Variants in TFAP2D observed in about 807,000 individuals in gnomAD.
TFAP2D encodes the protein transcription factor AP-2-delta.
Under a neutral mutation model 43.6 loss-of-function variants are expected in TFAP2D, and 9 were observed. That is an observed-to-expected ratio of 0.21 (90% CI 0.12 to 0.36). TFAP2D has a LOEUF of 0.36. Among genes scored for constraint, TFAP2D ranks in the 10% least tolerant of loss-of-function variants. TFAP2D has a pLI of 1.00. For missense variants in TFAP2D, 513 were observed against 561.4 expected, an observed-to-expected ratio of 0.91 and a Z score of 0.87; for synonymous variants, 256 against 224.9, an observed-to-expected ratio of 1.14 and a Z score of -1.24.
Position 50,714,091 on chromosome 6 carries a change from C to T in TFAP2D, c.36C>T (p.Ala12=), listed in dbSNP as rs75879710. The T allele has an allele frequency of 9.4e-6, 15 of 1,602,352 alleles. No individual in the cohort carries two copies. Among genetic ancestry groups the T allele is most frequent in the African/African-American group, 1.4e-5 (1 of 72,890 alleles). ...CCTTTCCGGGACTAGTCCACGATGC[C>T]GAGGTATTATTACTTTTTTTTTTTT... The part of the protein sequence containing the change: ...STTFPGLVHD[A]EIRHDGSNSY... Residue 12 remains alanine (A), a synonymous_variant, in exon 1 of 8, where the codon GCC becomes GCT. Coordinates refer to ENST00000008391, the MANE Select transcript of TFAP2D (RefSeq NM_172238.4).
rs556805741 is a variant in TFAP2D at position 50,756,603 on chromosome 6, AC to A, written c.1139+5282del. ...CTGGGAAGCCGTATGCATAGCAGTGACCCTTCTCACAATTCACAGCCTGGAA... is the reference window on the plus strand; with the variant it reads ...CTGGGAAGCCGTATGCATAGCAGTGACCTTCTCACAATTCACAGCCTGGAA... On this transcript the variant is annotated intron_variant, in intron 7 of 7. Coordinates refer to ENST00000008391, the MANE Select transcript of TFAP2D (RefSeq NM_172238.4). Among the ~76,000 whole-genome samples, 42 of 152,014 alleles carry A rather than the reference AC, an allele frequency of 2.8e-4. No homozygotes were observed. The South Asian group carries it at 4.4e-3, about 16-fold the overall frequency.
At chr6:50,720,731 G>T (rs542160667) in intron 3 of TFAP2D, among the ~76,000 whole-genome samples, 1 of 152,200 alleles carries the variant, frequency 6.6e-6, no homozygotes, top group South Asian at 2.1e-4. Flanking sequence ...CTGATCAGGG[G>T]TCTGTTGGGA....
intron 7 of TFAP2D, among the ~76,000 whole-genome samples, chr6:50,770,405 G>T (rs938302191): frequency 2.0e-5 from 3 of 146,700 alleles, no homozygotes; most frequent in Non-Finnish European, 4.6e-5. Context: ...CACATAATCA[G>T]AGATGGGAAT....
At chr6:50,718,994 A>G in intron 2 of TFAP2D, 96 bp from the exon 3 acceptor site, 3 of 1,159,202 alleles carry the variant, frequency 2.6e-6, no homozygotes, top group Non-Finnish European at 3.7e-6. Flanking sequence ...CTACTGAAAC[A>G]GAGTTCAGGG....
In TFAP2D at chr6:50,743,355, A is replaced by ATTTTGTTTTG. The variant is rs70974545; in HGVS notation, c.884-1718_884-1709dup. 3.8e-3 allele frequency among the ~76,000 whole-genome samples: 573 copies of ATTTTGTTTTG among 149,470 alleles called. 3 individuals carry two copies. The highest frequency in any genetic ancestry group is 0.016 in the East Asian group (77 of 4,952). ...CTTGTGAGAATGAAAAAAATAGTATATTTTGTTTTGTTTTGTTTTGTTTTG... is the reference window on the plus strand; with the variant it reads ...CTTGTGAGAATGAAAAAAATAGTATATTTTGTTTTGTTTTGTTTTGTTTTGTTTTGTTTTG... On this transcript the variant is annotated intron_variant, in intron 5 of 7. Transcript: ENST00000008391.
In TFAP2D at chr6:50,729,287, C is replaced by T. The variant is rs1768850530; in HGVS notation, c.858C>T (p.Val286=). 1 of 1,613,752 alleles carries T rather than the reference C, an allele frequency of 6.2e-7. No homozygotes were observed. The highest frequency in any genetic ancestry group is 1.3e-5 in the African/African-American group (1 of 74,906). Residue 286 remains valine (V), a synonymous_variant, in exon 5 of 8, where the codon GTC becomes GTT. Transcript: ENST00000008391. ...LPAGRRKAAN[V]TLLTSLVEGE... is the part of the protein sequence containing the mutation. ...CAGGAAGACGGAAAGCAGCTAATGT[C>T]ACCCTCCTTACTTCCTTGGTTGAAG...
intron 2 of TFAP2D, among the ~76,000 whole-genome samples, chr6:50,717,639 G>T (rs955938241): frequency 6.6e-6 from 1 of 152,174 alleles, no homozygotes; most frequent in African/African-American, 2.4e-5. Context: ...TGTGATATAC[G>T]TTTATACCTT....
At chr6:50,753,089 G>T (rs1030844180) in intron 7 of TFAP2D, among the ~76,000 whole-genome samples, 6 of 151,764 alleles carry the variant, frequency 4.0e-5, no homozygotes, top group African/African-American at 1.5e-4. Flanking sequence ...ATTTTTGTTT[G>T]TGCGCATAAT....
chr6:50,744,431 C>G (rs1213579785), intron 5 of TFAP2D, among the ~76,000 whole-genome samples: 2 of 152,178 alleles, frequency 1.3e-5, no homozygotes, highest in South Asian at 4.1e-4. Flanking sequence ...GTTTAGAAAA[C>G]TTGATTTTTT....
intron 5 of TFAP2D, among the ~76,000 whole-genome samples, chr6:50,744,323 T>C (rs978290475): frequency 2.0e-5 from 3 of 152,142 alleles, no homozygotes; most frequent in African/African-American, 7.2e-5. Context: ...CCTGTGGTAG[T>C]TTACTTAGGA....
intron 7 of TFAP2D, 100 bp downstream of exon 7, chr6:50,751,424 G>T: frequency 1.3e-6 from 1 of 798,374 alleles, no homozygotes; most frequent in Non-Finnish European, 2.1e-6. Flanking sequence ...TGTTTATATG[G>T]TGACTGTCCT....
intron 1 of TFAP2D, among the ~76,000 whole-genome samples, chr6:50,714,530 TC>T (rs998257582): frequency 5.9e-5 from 9 of 151,974 alleles, no homozygotes; most frequent in Non-Finnish European, 1.2e-4. Context: ...GGAGTCGGAT[TC>T]CCTCCCTCGA....
chr6:50,751,393 T>C, intron 7 of TFAP2D, 69 bp downstream of exon 7: 1 of 1,033,116 alleles, frequency 9.7e-7, no homozygotes. Context: ...ATCACAGTTC[T>C]ATTTAGAGAT....
chr6:50,771,105 G>C (rs1769522510), intron 7 of TFAP2D, among the ~76,000 whole-genome samples: 1 of 152,196 alleles, frequency 6.6e-6, no homozygotes, highest in Non-Finnish European at 1.5e-5. Flanking sequence ...AACTACCTAT[G>C]CTGAGGTTAC....
chr6:50,737,946 G>A (rs551253476), intron 5 of TFAP2D, among the ~76,000 whole-genome samples: 2 of 152,080 alleles, frequency 1.3e-5, no homozygotes, highest in African/African-American at 4.8e-5. Context: ...GGCGTTGCAG[G>A]GTCAAAAAAT....
At position 50,751,331 on chromosome 6, in the gene TFAP2D, C is replaced by A. The variant is rs774124708; in HGVS notation, c.1139+7C>A. The A allele has an allele frequency of 5.6e-6, 9 of 1,596,176 alleles. No homozygotes were observed. Among genetic ancestry groups the A allele is most frequent in the Non-Finnish European group, 7.7e-6 (9 of 1,164,804 alleles). On this transcript the variant is annotated splice_region_variant and intron_variant, in intron 7 of 7. Coordinates refer to ENST00000008391, the MANE Select transcript of TFAP2D (RefSeq NM_172238.4). Reference sequence around the variant, plus strand: ...GACATTTAACACATTTCAGGTAAGACTGGTTTTCCAGTTTGCTCAAATTCT... The same window carrying A: ...GACATTTAACACATTTCAGGTAAGAATGGTTTTCCAGTTTGCTCAAATTCT...
At chr6:50,752,183 T>A (rs1769209334) in intron 7 of TFAP2D, among the ~76,000 whole-genome samples, 1 of 151,920 alleles carries the variant, frequency 6.6e-6, no homozygotes, top group Non-Finnish European at 1.5e-5. Flanking sequence ...GCCTGCACAT[T>A]GTGCACATGT....
At position 50,719,208 on chromosome 6, in the gene TFAP2D, G is replaced by A. The variant is rs367884821; in HGVS notation, c.598+58G>A. ...ACATTCTTCTCCTATCTCTTACTTT[G>A]TTTAGAAGATCTGGTTGTGCTCAGA... On this transcript the variant is annotated intron_variant, in intron 3 of 7. Coordinates refer to ENST00000008391, the MANE Select transcript of TFAP2D (RefSeq NM_172238.4). 2.6e-6 allele frequency: 4 copies of A among 1,551,246 alleles called. No individual in the cohort carries two copies. In the African/African-American group the frequency reaches 4.1e-5, roughly 16 times the overall value.
At chr6:50,745,613 G>C (rs1769114913) in intron 6 of TFAP2D, among the ~76,000 whole-genome samples, 1 of 152,034 alleles carries the variant, frequency 6.6e-6, no homozygotes, top group African/African-American at 2.4e-5. Flanking sequence ...AATAAATGAG[G>C]GTAAAATCTC....
Sources: allele counts gnomAD v4.1 joint callset (sites outside exome capture counted in the v4.1 genomes callset), GRCh38; gene constraint gnomAD v4.1.1; transcripts MANE v1.5; gene names NCBI Gene and HGNC (gene_info 2026-07-23, HGNC 2026-07-21).